PVT1: variants seen among roughly 807,000 people sequenced by gnomAD.
PVT1 encodes the protein CXCR4/PVT1 fusion.
At chr8:128,085,150 A>G (rs2720671) in intron 5 of PVT1, among the ~76,000 whole-genome samples, 33,295 of 152,054 alleles carry the variant, frequency 0.22, 4,811 homozygotes, top group African/African-American at 0.41. Flanking sequence ...TGGGACTGTC[A>G]AGCCGAAGAG....
At chr8:127,915,900 C>T (rs943300506) in intron 3 of PVT1, among the ~76,000 whole-genome samples, 13 of 152,236 alleles carry the variant, frequency 8.5e-5, no homozygotes, top group Non-Finnish European at 1.5e-5. Context: ...GCCATGGGTA[C>T]ATCACCTGAC....
At chr8:127,930,590 T>C (rs1816194115) in intron 3 of PVT1, among the ~76,000 whole-genome samples, 2 of 152,048 alleles carry the variant, frequency 1.3e-5, no homozygotes, top group Admixed American at 1.3e-4. Flanking sequence ...AAAACAAAGA[T>C]GGTGTGTGTG....
chr8:128,041,160 G>T (rs907208079), intron 4 of PVT1, among the ~76,000 whole-genome samples: 4 of 150,044 alleles, frequency 2.7e-5, no homozygotes, highest in Non-Finnish European at 4.4e-5. Flanking sequence ...GCTTGTATGT[G>T]TGTTTCTGCA....
At chr8:127,916,117 G>T (rs140552019) in intron 3 of PVT1, among the ~76,000 whole-genome samples, 1 of 152,346 alleles carries the variant, frequency 6.6e-6, no homozygotes, top group African/African-American at 2.4e-5. Flanking sequence ...ATGGATGAGT[G>T]CCTTCAACCC....
intron 4 of PVT1, among the ~76,000 whole-genome samples, chr8:127,992,250 G>T (rs1210841353): frequency 2.0e-5 from 3 of 152,130 alleles, no homozygotes; most frequent in African/African-American, 7.2e-5. Flanking sequence ...GCCAGGCATG[G>T]TGGCACACGC....
At chr8:128,033,545 A>G (rs924864905) in intron 4 of PVT1, among the ~76,000 whole-genome samples, 5 of 152,220 alleles carry the variant, frequency 3.3e-5, no homozygotes, top group African/African-American at 1.2e-4. Context: ...GCTAGAACAT[A>G]GCAGAGGATT....
chr8:127,871,760 A>G (rs1815353840), intron 2 of PVT1, among the ~76,000 whole-genome samples: 2 of 152,200 alleles, frequency 1.3e-5, no homozygotes, highest in Non-Finnish European at 2.9e-5. Context: ...TTCTGATTGT[A>G]TTAGAAGTAC....
intron 3 of PVT1, among the ~76,000 whole-genome samples, chr8:127,935,341 C>T (rs1246408328): frequency 2.6e-5 from 4 of 152,128 alleles, no homozygotes; most frequent in African/African-American, 9.6e-5. Flanking sequence ...CTGGCTGGCT[C>T]TACACAGCAG....
chr8:127,928,280 G>A (rs117549407), intron 3 of PVT1, among the ~76,000 whole-genome samples: 2,207 of 152,194 alleles, frequency 0.015, 28 homozygotes, highest in Middle Eastern at 0.044. Flanking sequence ...GATTTAACCA[G>A]AATCCCCCTT....
chr8:127,909,626 G>C (rs1586431725), intron 3 of PVT1, among the ~76,000 whole-genome samples: 1 of 152,170 alleles, frequency 6.6e-6, no homozygotes, highest in Non-Finnish European at 1.5e-5. Context: ...GAACTGAGTG[G>C]ATTGGACCTT....
chr8:127,804,422 T>C (rs1323282081), intron 2 of PVT1, among the ~76,000 whole-genome samples: 2 of 152,066 alleles, frequency 1.3e-5, no homozygotes, highest in Admixed American at 6.5e-5. Context: ...CCTCCCACTT[T>C]GGCCTCCCAA....
intron 4 of PVT1, among the ~76,000 whole-genome samples, chr8:128,042,160 C>T (rs867237311): frequency 2.6e-5 from 4 of 152,158 alleles, no homozygotes; most frequent in Non-Finnish European, 4.4e-5. Context: ...CATTTGAACT[C>T]GGTGACTGGA....
chr8:127,876,483 G>T (rs1303674447), intron 2 of PVT1, among the ~76,000 whole-genome samples: 3 of 150,200 alleles, frequency 2.0e-5, no homozygotes, highest in African/African-American at 7.6e-5. Flanking sequence ...TTAATACAGT[G>T]AATTTGTATG....
intron 2 of PVT1, among the ~76,000 whole-genome samples, chr8:127,875,424 T>G (rs977888525): frequency 2.0e-5 from 3 of 152,066 alleles, no homozygotes; most frequent in Non-Finnish European, 4.4e-5. Flanking sequence ...GTTTTCTGAT[T>G]ATAAGAGGAA....
intron 2 of PVT1, among the ~76,000 whole-genome samples, chr8:127,825,514 G>C (rs1225118637): frequency 2.0e-5 from 3 of 152,176 alleles, no homozygotes; most frequent in Admixed American, 2.0e-4. Flanking sequence ...AGTTTGCTGC[G>C]TGGAAAATGA....
chr8:127,932,397 G>A (rs1816217450), intron 3 of PVT1: 1 of 398,546 alleles, frequency 2.5e-6, no homozygotes, highest in African/African-American at 2.1e-5. Flanking sequence ...TTACCCCAAG[G>A]AGGCTCGAAC....
intron 2 of PVT1, among the ~76,000 whole-genome samples, chr8:127,883,384 G>A (rs927458387): frequency 3.3e-5 from 5 of 152,142 alleles, no homozygotes; most frequent in Admixed American, 6.5e-5. Context: ...GGGAATAGAC[G>A]CAGCCTGTTT....
rs1381999647 is a variant in PVT1 at position 127,962,465 on chromosome 8, C to T, written n.783-26697C>T. Reference sequence around the variant, plus strand: ...TTGAATTTTTTAACTTCAGCTGTGACATTATAGATCATCTAGCTCTGCTGT... The same window carrying T: ...TTGAATTTTTTAACTTCAGCTGTGATATTATAGATCATCTAGCTCTGCTGT... On this transcript the variant is annotated intron_variant and non_coding_transcript_variant, in intron 3 of 10. Transcript: ENST00000651587. 1.3e-5 allele frequency among the ~76,000 whole-genome samples: 2 copies of T among 152,184 alleles called. 1 individual carries two copies. The highest frequency in any genetic ancestry group is 2.9e-5 in the Non-Finnish European group (2 of 68,022).
At chr8:128,045,142 G>T (rs920945682) in intron 4 of PVT1, among the ~76,000 whole-genome samples, 1 of 152,190 alleles carries the variant, frequency 6.6e-6, no homozygotes, top group East Asian at 1.9e-4. Context: ...GTCTTTGCTG[G>T]GGCAGCCCTT....
Sources: gnomAD v4.1 joint callset for allele counts (sites outside exome capture counted in the v4.1 genomes callset) on GRCh38, gnomAD v4.1.1 for gene constraint, MANE v1.5 for transcripts, NCBI Gene and HGNC (gene_info 2026-07-23, HGNC 2026-07-21) for gene names.